EGFL6: variants seen among roughly 807,000 people sequenced by gnomAD.
EGFL6 encodes the protein EGF like domain multiple 6.
EGFL6 carries 42 observed loss-of-function variants against 43.1 expected under a neutral mutation model. The observed-to-expected ratio is 0.98, with a 90% CI of 0.76 to 1.26. The LOEUF (loss-of-function observed/expected upper bound fraction) is 1.26. EGFL6 is among the 50% of genes most tolerant of loss of function. EGFL6 has a pLI of 0.00. For missense variants in EGFL6, 429 were observed against 427.8 expected (o/e 1.00, Z -0.02); for synonymous variants, 164 against 163.2 (o/e 1.01, Z -0.04).
intron 10 of EGFL6, among the ~76,000 whole-genome samples, chrX:13,626,013 A>G (rs1368817358): frequency 8.9e-6 from 1 of 111,879 alleles, no homozygotes; most frequent in African/African-American, 3.3e-5. Context: ...GAAACCTTCC[A>G]CAGTAGGTGA....
chrX:13,619,716 T>C (rs955790624), intron 9 of EGFL6, among the ~76,000 whole-genome samples: 13 of 111,922 alleles, frequency 1.2e-4, no homozygotes, highest in African/African-American at 4.2e-4. Context: ...ATGGGTTGGC[T>C]GGACGGTTCT....
intron 1 of EGFL6, among the ~76,000 whole-genome samples, chrX:13,585,545 C>T (rs1014736570): frequency 1.8e-5 from 2 of 110,556 alleles, no homozygotes; most frequent in African/African-American, 6.6e-5. Context: ...ATATTAATGC[C>T]CTATTGAGGA....
chrX:13,597,357 G>T (rs190328933), intron 3 of EGFL6, among the ~76,000 whole-genome samples: 137 of 111,646 alleles, frequency 1.2e-3, no homozygotes, highest in African/African-American at 4.3e-3. Context: ...TGAAATAGCC[G>T]CTCTTTGAGC....
chrX:13,628,632 G>A (rs2146712026), intron 11 of EGFL6, among the ~76,000 whole-genome samples: 1 of 111,284 alleles, frequency 9.0e-6, no homozygotes, highest in Admixed American at 9.5e-5. Flanking sequence ...TGACCAACAT[G>A]GAGAAACCCC....
rs948378795 is a variant in EGFL6 at position 13,569,822 on chromosome X, C to T, written c.-40C>T. 8.4e-7 allele frequency: 1 copy of T among 1,194,007 alleles called. No individual in the cohort carries two copies. Among genetic ancestry groups the T allele is most frequent in the Non-Finnish European group, 1.1e-6 (1 of 879,861 alleles). On this transcript the variant is annotated 5_prime_UTR_variant, in exon 1 of 12. Transcript: ENST00000361306. ...CTACGGGGTCCGGCCGGCGCCCTCC[C>T]GAGGGGGGCTCAGGAGGAGGAAGGA...
Position 13,593,105 on chromosome X carries a change from T to C in EGFL6, c.188-1731T>C, listed in dbSNP as rs186956352. ...AATTTTTGTATTTTTAGTAGAGATG[T>C]GGTTTTACTATGTTGGCCGGGCTGG... On this transcript the variant is annotated intron_variant, in intron 2 of 11. Coordinates refer to ENST00000361306, the MANE Select transcript of EGFL6 (RefSeq NM_015507.4). Among the ~76,000 whole-genome samples the C allele has an allele frequency of 3.6e-3, 394 of 109,388 alleles. 3 individuals carry two copies. The highest frequency in any genetic ancestry group is 0.013 in the African/African-American group (376 of 30,036). The allele number at this position is 109,388 out of a possible 115,157, so 95.0% of individuals were successfully genotyped here.
At chrX:13,594,468 T>C (rs1193512109) in intron 2 of EGFL6, among the ~76,000 whole-genome samples, 3 of 111,766 alleles carry the variant, frequency 2.7e-5, no homozygotes, top group Non-Finnish European at 5.6e-5. Context: ...CATTAAAAGA[T>C]TTTGATCATT....
chrX:13,574,387 G>A (rs952486737), intron 1 of EGFL6, among the ~76,000 whole-genome samples: 16 of 111,832 alleles, frequency 1.4e-4, no homozygotes, highest in Non-Finnish European at 3.0e-4. Context: ...TGATGAACTT[G>A]TGCTCCTGGT....
chrX:13,571,726 T>A (rs1407553355), intron 1 of EGFL6, among the ~76,000 whole-genome samples: 1 of 112,369 alleles, frequency 8.9e-6, no homozygotes, highest in Non-Finnish European at 1.9e-5. Context: ...CTTTAGACGA[T>A]TATCAAGTTT....
chrX:13,600,183 T>C, intron 4 of EGFL6, 89 bp downstream of exon 4: 1 of 984,531 alleles, frequency 1.0e-6, no homozygotes, highest in Non-Finnish European at 1.3e-6. Flanking sequence ...ACTTCAGTGA[T>C]TTTTTAAAAA....
Position 13,616,736 on chromosome X carries a change from CGACAA to C in EGFL6, c.779-986_779-982del, listed in dbSNP as rs1005023447. Among the ~76,000 whole-genome samples the C allele has an allele frequency of 4.4e-5, 5 of 112,724 alleles. No individual in the cohort carries two copies. In the East Asian group the frequency reaches 1.4e-3, roughly 31 times the overall value. ...GTCACTTAACACCCAGTTGCCTCATCGACAAGACAAGAGTCCTGGACTAAATGAAC... is the reference window on the plus strand; with the variant it reads ...GTCACTTAACACCCAGTTGCCTCATCGACAAGAGTCCTGGACTAAATGAAC... On this transcript the variant is annotated intron_variant, in intron 7 of 11. Coordinates refer to ENST00000361306, the MANE Select transcript of EGFL6 (RefSeq NM_015507.4).
chrX:13,595,179 CTT>C (rs2045590337), intron 3 of EGFL6, among the ~76,000 whole-genome samples: 1 of 110,029 alleles, frequency 9.1e-6, no homozygotes. Context: ...AGCTAAAGGT[CTT>C]TTATATTTTT....
intron 1 of EGFL6, among the ~76,000 whole-genome samples, chrX:13,582,222 C>T (rs990430233): frequency 9.1e-6 from 1 of 109,397 alleles, no homozygotes; most frequent in Admixed American, 9.7e-5. Context: ...CTACCATGCC[C>T]GGCTAATTTT....
At chrX:13,589,747 A>T (rs1260408749) in intron 2 of EGFL6, 79 bp downstream of exon 2, 1 of 836,361 alleles carries the variant, frequency 1.2e-6, no homozygotes, top group Non-Finnish European at 1.7e-6. Context: ...AACTGCCACA[A>T]AATTGCCAGT....
At chrX:13,576,793 T>C (rs1054848554) in intron 1 of EGFL6, among the ~76,000 whole-genome samples, 1 of 111,647 alleles carries the variant, frequency 9.0e-6, no homozygotes, top group African/African-American at 3.3e-5. Flanking sequence ...TGTTAAATGA[T>C]TTGCCCAGAA....
chrX:13,583,170 A>C (rs2045516833), intron 1 of EGFL6, among the ~76,000 whole-genome samples: 1 of 66,576 alleles, frequency 1.5e-5, no homozygotes, highest in Admixed American at 1.7e-4. Context: ...TGCTCCTAAC[A>C]CACACCACGA....
chrX:13,627,893 C>T (rs2045790337), intron 11 of EGFL6, among the ~76,000 whole-genome samples: 1 of 112,099 alleles, frequency 8.9e-6, no homozygotes, highest in African/African-American at 3.2e-5. Flanking sequence ...TATTAATTCT[C>T]CCAGCAACCA....
At chrX:13,616,758 T>C (rs931629765) in intron 7 of EGFL6, among the ~76,000 whole-genome samples, 1 of 112,640 alleles carries the variant, frequency 8.9e-6, no homozygotes, top group Non-Finnish European at 1.9e-5. Flanking sequence ...AGTCCTGGAC[T>C]AAATGAACTT....
At position 13,633,029 on chromosome X, in the gene EGFL6, C is replaced by T. The variant is rs1028379652; in HGVS notation, c.1596C>T (p.Ile532=). ...GTGGCAAGGGCAAAACCGGCGAAAT[C>T]GCAGTGGATGGCGTCTTGCTTGTTT... ...AERGKGKTGE[I]AVDGVLLVSG... is the part of the protein sequence containing the mutation. Residue 532 remains isoleucine (I), a synonymous_variant, in exon 12 of 12, where the codon ATC becomes ATT. Transcript: ENST00000361306. 4 of 1,205,955 alleles carry T rather than the reference C, an allele frequency of 3.3e-6. No individual in the cohort carries two copies. In the African/African-American group the frequency reaches 7.0e-5, roughly 21 times the overall value.
Sources: gnomAD v4.1 joint callset for allele counts (sites outside exome capture counted in the v4.1 genomes callset) on GRCh38, gnomAD v4.1.1 for gene constraint, MANE v1.5 for transcripts, NCBI Gene and HGNC (gene_info 2026-07-23, HGNC 2026-07-21) for gene names.